ARMH4: variants seen among roughly 807,000 people sequenced by gnomAD.
The protein encoded by ARMH4 is armadillo-like helical domain-containing protein 4.
Under a neutral mutation model 61.9 loss-of-function variants are expected in ARMH4, and 49 were observed. The ratio of observed to expected loss-of-function variants is 0.79; its 90% CI spans 0.63 to 1.00. ARMH4 has a LOEUF of 1.00. Among genes scored for constraint, ARMH4 ranks in the 50% least tolerant of loss-of-function variants. ARMH4 has a pLI of 0.00. For synonymous variants in ARMH4, 368 were observed against 341.5 expected (o/e 1.08, Z -0.85); for missense variants, 934 against 930.0 (o/e 1.00, Z -0.06).
chr14:58,101,753 C>T (rs538727273), intron 4 of ARMH4, among the ~76,000 whole-genome samples: 34 of 152,062 alleles, frequency 2.2e-4, no homozygotes, highest in African/African-American at 8.2e-4. Flanking sequence ...TGTGAAAAGC[C>T]CAGACACCAT....
At chr14:58,009,158 G>T (rs1365136354) in intron 6 of ARMH4, among the ~76,000 whole-genome samples, 1 of 152,166 alleles carries the variant, frequency 6.6e-6, no homozygotes, top group African/African-American at 2.4e-5. Flanking sequence ...CTTCTTGCCT[G>T]CTGGGAAGCT....
chr14:58,025,441 T>C (rs1222784292), intron 5 of ARMH4, among the ~76,000 whole-genome samples: 4 of 152,294 alleles, frequency 2.6e-5, no homozygotes, highest in South Asian at 2.1e-4. Context: ...GGAAACCTGA[T>C]TGTTATCTTA....
chr14:58,063,506 A>G (rs562423596), intron 5 of ARMH4, among the ~76,000 whole-genome samples: 5 of 151,150 alleles, frequency 3.3e-5, no homozygotes, highest in Non-Finnish European at 7.4e-5. Flanking sequence ...CTTTTAAAAT[A>G]ACATTTTATT....
intron 1 of ARMH4, among the ~76,000 whole-genome samples, chr14:58,147,687 C>A (rs894516476): frequency 6.6e-6 from 1 of 152,124 alleles, no homozygotes; most frequent in African/African-American, 2.4e-5. Flanking sequence ...ATGTGCCAAG[C>A]GTTCTAAGTG....
chr14:58,031,578 C>T (rs1449276201), intron 5 of ARMH4, among the ~76,000 whole-genome samples: 1 of 152,168 alleles, frequency 6.6e-6, no homozygotes, highest in Non-Finnish European at 1.5e-5. Flanking sequence ...TTTTCCAAGA[C>T]TTGTGCGAGG....
intron 5 of ARMH4, among the ~76,000 whole-genome samples, chr14:58,083,964 AT>A (rs1885305826): frequency 6.6e-6 from 1 of 152,242 alleles, no homozygotes; most frequent in Non-Finnish European, 1.5e-5. Context: ...AATCATGATT[AT>A]ACCTTATTTT....
At chr14:58,018,153 C>T (rs758486392) in intron 5 of ARMH4, among the ~76,000 whole-genome samples, 14 of 152,056 alleles carry the variant, frequency 9.2e-5, no homozygotes, top group African/African-American at 2.7e-4. Context: ...AATATAAGAC[C>T]GGAAATTATA....
intron 5 of ARMH4, among the ~76,000 whole-genome samples, chr14:58,073,694 AGCT>A (rs1884957924): frequency 6.6e-6 from 1 of 152,216 alleles, no homozygotes; most frequent in African/African-American, 2.4e-5. Flanking sequence ...GACTACTACT[AGCT>A]CAATGGAGTT....
At chr14:58,116,202 A>T (rs948680325) in intron 4 of ARMH4, 1 of 152,998 alleles carries the variant, frequency 6.5e-6, no homozygotes, top group African/African-American at 2.4e-5. Context: ...ACTAAATTTC[A>T]AATTTTCCAC....
At chr14:58,118,905 C>T (rs1886625111) in intron 4 of ARMH4, among the ~76,000 whole-genome samples, 1 of 152,158 alleles carries the variant, frequency 6.6e-6, no homozygotes, top group Admixed American at 6.5e-5. Flanking sequence ...GCATGTGAAG[C>T]AGACACCTTA....
chr14:58,028,533 G>A (rs17094254), intron 5 of ARMH4, among the ~76,000 whole-genome samples: 26,711 of 152,036 alleles, frequency 0.18, 3,156 homozygotes, highest in East Asian at 0.56. Context: ...ACCTCCTTTC[G>A]CTGAGGGGCA....
chr14:58,043,406 G>C (rs554461831), intron 5 of ARMH4, among the ~76,000 whole-genome samples: 87 of 152,058 alleles, frequency 5.7e-4, no homozygotes, highest in East Asian at 1.5e-3. Flanking sequence ...ATTCAACAAC[G>C]CTTCATGCTA....
In ARMH4 at chr14:58,139,016, T is replaced by C. The variant is rs61741497; in HGVS notation, c.343A>G (p.Thr115Ala). Reference protein sequence around the residue: ...QTERPGVSTPTESGVPSAEEV... With the variant: ...QTERPGVSTPAESGVPSAEEV... ...TCAGCTGAGGGGACACCTGACTCAG[T>C]AGGTGTGGAAACACCAGGGCGTTCT... Residue 115 changes from threonine (T) to alanine (A), a missense_variant, in exon 2 of 8, where the codon ACT becomes GCT. Transcript: ENST00000267485. 8,336 of 1,614,202 alleles carry C rather than the reference T, an allele frequency of 5.2e-3. 55 individuals carry two copies. Among genetic ancestry groups the C allele is most frequent in the Non-Finnish European group, 5.6e-3 (6,581 of 1,180,036 alleles).
intron 5 of ARMH4, among the ~76,000 whole-genome samples, chr14:58,044,436 A>C (rs1337347361): frequency 1.3e-5 from 2 of 152,108 alleles, no homozygotes; most frequent in African/African-American, 4.8e-5. Flanking sequence ...AACTGGATCC[A>C]TTCCTTACAC....
At chr14:58,113,413 A>G (rs562323669) in intron 4 of ARMH4, among the ~76,000 whole-genome samples, 2 of 152,296 alleles carry the variant, frequency 1.3e-5, no homozygotes, top group East Asian at 3.9e-4. Flanking sequence ...TTTTTCAAAT[A>G]ATCAGTGTTA....
At chr14:58,025,403 A>T (rs936965357) in intron 5 of ARMH4, among the ~76,000 whole-genome samples, 2 of 152,116 alleles carry the variant, frequency 1.3e-5, no homozygotes, top group Admixed American at 1.3e-4. Context: ...TTAATAGAAA[A>T]ATTTTCAATA....
chr14:58,103,141 A>T (rs1227387855), intron 4 of ARMH4, among the ~76,000 whole-genome samples: 1 of 152,058 alleles, frequency 6.6e-6, no homozygotes, highest in South Asian at 2.1e-4. Flanking sequence ...CTCGAAAAAA[A>T]AAAAAATAGA....
intron 4 of ARMH4, among the ~76,000 whole-genome samples, chr14:58,111,416 A>C (rs1594763345): frequency 6.6e-6 from 1 of 152,228 alleles, no homozygotes. Context: ...ACAAAATCTA[A>C]GCTTTCAGCA....
Position 58,131,708 on chromosome 14 carries a change from T to G in ARMH4, c.1635A>C (p.Thr545=). ...VTPTVEEQMD[T]VTGPNEEFTP... ...TGAACTCCTCATTTGGCCCTGTGACTGTGTCCATTTGTTCTGCCAAACACA... is the reference window on the plus strand; with the variant it reads ...TGAACTCCTCATTTGGCCCTGTGACGGTGTCCATTTGTTCTGCCAAACACA... The change falls in exon 4 of 8, where the codon ACA becomes ACC. Residue 545 remains threonine, a synonymous_variant. Transcript: ENST00000267485. 1 of 1,612,786 alleles carries G rather than the reference T, an allele frequency of 6.2e-7. No individual in the cohort carries two copies. Among genetic ancestry groups the G allele is most frequent in the Non-Finnish European group, 8.5e-7 (1 of 1,179,914 alleles).
Sources: gnomAD v4.1 joint callset for allele counts (sites outside exome capture counted in the v4.1 genomes callset) on GRCh38, gnomAD v4.1.1 for gene constraint, MANE v1.5 for transcripts, NCBI Gene and HGNC (gene_info 2026-07-23, HGNC 2026-07-21) for gene names.